Variants in ACSS1 observed in about 807,000 individuals in gnomAD.
ACSS1 encodes the protein acyl-CoA synthetase short chain family member 1.
ACSS1 carries 42 observed loss-of-function variants against 75.3 expected under a neutral mutation model. The observed-to-expected ratio is 0.56, with a 90% CI of 0.44 to 0.72. The LOEUF is 0.72. Among genes scored for constraint, ACSS1 ranks in the 30% least tolerant of loss-of-function variants. The pLI, the probability that ACSS1 is intolerant of heterozygous loss-of-function variation, is 0.00. For missense variants in ACSS1, 782 were observed against 935.7 expected, an observed-to-expected ratio of 0.84 and a Z score of 2.14; for synonymous variants, 380 against 376.8, an observed-to-expected ratio of 1.01 and a Z score of -0.10.
At chr20:25,025,676 G>C (rs148303320) in intron 3 of ACSS1, among the ~76,000 whole-genome samples, 3 of 152,274 alleles carry the variant, frequency 2.0e-5, no homozygotes, top group African/African-American at 7.2e-5. Context: ...GCGACTGAGG[G>C]ATTAAGGTCG....
chr20:25,040,915 T>G (rs2088990640), intron 2 of ACSS1, among the ~76,000 whole-genome samples: 1 of 152,256 alleles, frequency 6.6e-6, no homozygotes, highest in African/African-American at 2.4e-5. Flanking sequence ...ATGATTTCAT[T>G]CCTTTTATTG....
At chr20:25,025,925 CAA>C (rs1383484701) in intron 3 of ACSS1, among the ~76,000 whole-genome samples, 4 of 152,136 alleles carry the variant, frequency 2.6e-5, no homozygotes, top group Non-Finnish European at 5.9e-5. Context: ...TTCATATGTG[CAA>C]AGTCTTTCAC....
At chr20:25,028,226 C>T (rs963219297) in intron 3 of ACSS1, among the ~76,000 whole-genome samples, 5 of 152,164 alleles carry the variant, frequency 3.3e-5, no homozygotes, top group Admixed American at 6.5e-5. Flanking sequence ...AAAATCCCAA[C>T]ATCTTTTTTT....
At chr20:25,049,717 C>T (rs1388886611) in intron 1 of ACSS1, among the ~76,000 whole-genome samples, 3 of 152,152 alleles carry the variant, frequency 2.0e-5, no homozygotes, top group Non-Finnish European at 4.4e-5. Context: ...GCACCACCAG[C>T]ATCTCCCATT....
chr20:25,046,508 G>C (rs979746520), intron 2 of ACSS1: 1 of 429,828 alleles, frequency 2.3e-6, no homozygotes, highest in Non-Finnish European at 4.3e-6. Flanking sequence ...GCACACCTGA[G>C]AGACTGATGG....
chr20:25,030,916 C>T lies in ACSS1; in HGVS notation c.474G>A (p.Lys158=), dbSNP rs2088812716. 1 of 1,614,116 alleles carries T rather than the reference C, an allele frequency of 6.2e-7. No homozygotes were observed. The highest frequency in any genetic ancestry group is 8.5e-7 in the Non-Finnish European group (1 of 1,180,052). The part of the protein sequence containing the change: ...ETTCRLANTL[K]RHGVHRGDRV... ...GGTCCCCACGGTGGACTCCATGCCT[C>T]TTCAGCGTGTTGGCCAGGCGGCACG... is the stretch of plus-strand genomic sequence containing the variant. The change falls in exon 3 of 14, where the codon AAG becomes AAA. Residue 158 remains lysine (K), a synonymous_variant. Transcript: ENST00000323482.
Position 25,048,091 on chromosome 20 carries a change from G to A in ACSS1, c.425C>T (p.Thr142Ile). ...RDEPGTEVRI[T>I]YRELLETTCR... ...ACATTCGAGGGCACAGTACCTGTAG[G>A]TGATCCTCACTTCCGTTCCAGGCTC... The change falls in exon 2 of 14, where the codon ACC (threonine) becomes ATC (isoleucine). Residue 142 changes from threonine to isoleucine, a missense_variant. Transcript: ENST00000323482. 3 of 1,613,622 alleles carry A rather than the reference G, an allele frequency of 1.9e-6. No individual in the cohort carries two copies. The highest frequency in any genetic ancestry group is 1.6e-4 in the Middle Eastern group (1 of 6,062).
intron 2 of ACSS1, chr20:25,046,991 G>A (rs1399015330): frequency 3.9e-6 from 3 of 767,770 alleles, no homozygotes; most frequent in Non-Finnish European, 7.3e-6. Context: ...GCTCCTGGGG[G>A]CCGAGGGGAG....
At chr20:25,050,669 C>T (rs867489060) in intron 1 of ACSS1, among the ~76,000 whole-genome samples, 5 of 152,098 alleles carry the variant, frequency 3.3e-5, no homozygotes, top group African/African-American at 9.7e-5. Context: ...CTGGACACTT[C>T]GCCTTGGCAT....
At chr20:25,029,110 A>C (rs1377369557) in intron 3 of ACSS1, among the ~76,000 whole-genome samples, 1 of 152,226 alleles carries the variant, frequency 6.6e-6, no homozygotes, top group Non-Finnish European at 1.5e-5. Context: ...ACAGAATGGG[A>C]GAATATTTGC....
intron 2 of ACSS1, chr20:25,032,426 C>A: frequency 7.2e-7 from 1 of 1,392,796 alleles, no homozygotes; most frequent in East Asian, 2.8e-5. Flanking sequence ...TCTTTCCTTT[C>A]GGCGCCTCAT....
chr20:25,044,005 G>A (rs932597793), intron 2 of ACSS1, among the ~76,000 whole-genome samples: 3 of 152,148 alleles, frequency 2.0e-5, no homozygotes, highest in Admixed American at 6.5e-5. Flanking sequence ...GGCTCTGCAG[G>A]CACCCCCAGC....
chr20:25,007,947 A>C lies in ACSS1; in HGVS notation c.1891-6T>G, dbSNP rs1258532934. 5 of 1,613,714 alleles carry C rather than the reference A, an allele frequency of 3.1e-6. No individual in the cohort carries two copies. In the South Asian group the frequency reaches 5.5e-5, roughly 18 times the overall value. On this transcript the variant is annotated splice_region_variant and splice_polypyrimidine_tract_variant and intron_variant, in intron 13 of 13. Coordinates refer to ENST00000323482, the MANE Select transcript of ACSS1 (RefSeq NM_032501.4). The stretch of plus-strand genomic sequence containing the variant: ...TTTGGAAGACGTTTCACCACCTGGC[A>C]AGGAACAGGCACAGTGTTAGAGCGT...
At chr20:25,023,702 C>G (rs549451226) in intron 3 of ACSS1, 61 bp from the exon 4 acceptor site, 112 of 1,469,648 alleles carry the variant, frequency 7.6e-5, no homozygotes, top group Non-Finnish European at 9.4e-5. Context: ...CCTCATAGCT[C>G]TGACTCACAT....
intron 2 of ACSS1, among the ~76,000 whole-genome samples, chr20:25,038,599 G>A (rs149780235): frequency 1.1e-3 from 160 of 152,348 alleles, no homozygotes; most frequent in Non-Finnish European, 1.4e-3. Context: ...CAGTCTCCGT[G>A]TCGCCGGCTC....
chr20:25,021,977 C>T (rs2088632349), intron 5 of ACSS1, among the ~76,000 whole-genome samples: 1 of 152,120 alleles, frequency 6.6e-6, no homozygotes, highest in Non-Finnish European at 1.5e-5. Context: ...GACCAAAGGA[C>T]ACCAGAGAAA....
chr20:25,022,858 C>G, intron 5 of ACSS1, 82 bp downstream of exon 5: 4 of 1,471,036 alleles, frequency 2.7e-6, no homozygotes, highest in Non-Finnish European at 3.6e-6. Context: ...CTACAGGCCT[C>G]GCTCTGCAGC....
Position 25,006,986 on chromosome 20 carries a change from A to G in ACSS1, c.*776T>C, listed in dbSNP as rs1280632269. The G allele has an allele frequency of 2.0e-6, 3 of 1,534,594 alleles. No individual in the cohort carries two copies. The African/African-American group carries it at 4.1e-5, about 21-fold the overall frequency. On this transcript the variant is annotated 3_prime_UTR_variant, in exon 14 of 14. Coordinates refer to ENST00000323482, the MANE Select transcript of ACSS1 (RefSeq NM_032501.4). ...AAAATCTTTCTGGATCACAGCTTGA[A>G]GAAACAGAACATAACTGGAGTAGCT...
intron 10 of ACSS1, 54 bp downstream of exon 10, chr20:25,013,482 A>G: frequency 6.5e-7 from 1 of 1,541,198 alleles, no homozygotes; most frequent in South Asian, 1.2e-5. Context: ...TCTGAGAATA[A>G]GATTCCAGCA....
Sources: allele counts gnomAD v4.1 joint callset (sites outside exome capture counted in the v4.1 genomes callset), GRCh38; gene constraint gnomAD v4.1.1; transcripts MANE v1.5; gene names NCBI Gene and HGNC (gene_info 2026-07-23, HGNC 2026-07-21).